The following MAP4 variants were observed in gnomAD, a reference collection of about 807,000 sequenced individuals.
MAP4 encodes microtubule-associated protein 4.
In MAP4, 76 loss-of-function variants were observed where a neutral mutation model predicts 170.2. That is an observed-to-expected ratio of 0.45 (90% confidence interval 0.37 to 0.54). MAP4 has a LOEUF of 0.54. MAP4 is among the 20% of genes least tolerant of loss of function. MAP4 has a pLI of 0.00. For missense variants in MAP4, 2,506 were observed against 2,748.0 expected (o/e 0.91, Z 1.97); for synonymous variants, 909 against 994.5 (o/e 0.91, Z 1.62).
At chr3:48,072,062 G>A (rs2100141295) in intron 1 of MAP4, among the ~76,000 whole-genome samples, 1 of 151,622 alleles carries the variant, frequency 6.6e-6, no homozygotes, top group African/African-American at 2.4e-5. Flanking sequence ...AGCCAGGCAT[G>A]GTGACATGCG....
At position 47,892,412 on chromosome 3, in the gene MAP4, C is replaced by T. The variant is rs201593796; in HGVS notation, c.5434+10538G>A. The T allele has an allele frequency of 2.1e-3, 3,234 of 1,536,212 alleles. 81 individuals carry two copies. The South Asian group carries it at 0.036, about 17-fold the overall frequency. Reference sequence around the variant, plus strand: ...ACTGATTTCTTTTGGGGAGTCCATTCGGCACTCTGCAGGCTTGCCCTTACT... The same window carrying T: ...ACTGATTTCTTTTGGGGAGTCCATTTGGCACTCTGCAGGCTTGCCCTTACT... On this transcript the variant is annotated intron_variant, in intron 10 of 20. Transcript: ENST00000683076.
At chr3:47,859,587 C>T (rs999747737) in intron 17 of MAP4, among the ~76,000 whole-genome samples, 1 of 152,216 alleles carries the variant, frequency 6.6e-6, no homozygotes, top group African/African-American at 2.4e-5. Flanking sequence ...AAGGTGCCTT[C>T]CATACGGCCT....
At chr3:48,016,705 C>T (rs1184015618), upstream of MAP4, among the ~76,000 whole-genome samples, 1 of 152,100 alleles carries the variant, frequency 6.6e-6, no homozygotes, top group African/African-American at 2.4e-5. Flanking sequence ...CCACTTCCTT[C>T]CTCTAACACA....
intron 1 of MAP4, among the ~76,000 whole-genome samples, chr3:48,059,762 T>A (rs541125744): frequency 2.8e-4 from 42 of 152,132 alleles, no homozygotes; most frequent in Admixed American, 2.6e-3. Context: ...GCGGATTGCC[T>A]GAGCTCGGGA....
intron 1 of MAP4, among the ~76,000 whole-genome samples, chr3:48,052,047 C>G (rs2100128178): frequency 6.6e-6 from 1 of 152,106 alleles, no homozygotes; most frequent in South Asian, 2.1e-4. Context: ...TAGCACCTTC[C>G]CAGTTGTGAC....
chr3:48,082,125 G>T (rs1449306563), intron 1 of MAP4, among the ~76,000 whole-genome samples: 1 of 152,064 alleles, frequency 6.6e-6, no homozygotes, highest in Non-Finnish European at 1.5e-5. Flanking sequence ...AATAAATGGG[G>T]GAGGCATAAA....
At chr3:48,030,127 G>A (rs942233540) in intron 1 of MAP4, among the ~76,000 whole-genome samples, 4 of 149,484 alleles carry the variant, frequency 2.7e-5, no homozygotes, top group East Asian at 1.9e-4. Flanking sequence ...GGTGGCTCAC[G>A]TCTGTAATCC....
At chr3:48,052,059 C>T (rs950068851) in intron 1 of MAP4, among the ~76,000 whole-genome samples, 6 of 152,132 alleles carry the variant, frequency 3.9e-5, no homozygotes, top group African/African-American at 1.4e-4. Flanking sequence ...AGTTGTGACC[C>T]ATGAGAATGT....
intron 9 of MAP4, among the ~76,000 whole-genome samples, chr3:47,906,257 A>T (rs2100032956): frequency 6.6e-6 from 1 of 152,038 alleles, no homozygotes; most frequent in African/African-American, 2.4e-5. Context: ...CAAACCAGAG[A>T]TTCTTACTCC....
intron 3 of MAP4, among the ~76,000 whole-genome samples, chr3:47,971,530 A>G (rs1314076922): frequency 6.6e-6 from 1 of 152,236 alleles, no homozygotes; most frequent in Non-Finnish European, 1.5e-5. Context: ...AGTTATCACA[A>G]TAGTAAACTG....
At chr3:47,918,974 GCAGA>G (rs2100041232) in intron 5 of MAP4, 133 bp from the exon 6 acceptor site, 4 of 636,168 alleles carry the variant, frequency 6.3e-6, no homozygotes, top group Admixed American at 5.6e-5. Flanking sequence ...TGTTGCCCAC[GCAGA>G]CAGAGTGAAG....
At chr3:47,926,461 A>G (rs1254094580) in intron 4 of MAP4, among the ~76,000 whole-genome samples, 3 of 150,146 alleles carry the variant, frequency 2.0e-5, no homozygotes, top group East Asian at 2.0e-4. Flanking sequence ...TGGGATTACA[A>G]GTGTGAGCCA....
chr3:47,945,656 C>A (rs895959163), intron 3 of MAP4, among the ~76,000 whole-genome samples: 1 of 151,930 alleles, frequency 6.6e-6, no homozygotes. Flanking sequence ...CTTCTTTTTG[C>A]AACACCTTTG....
chr3:47,916,208 A>T lies in MAP4; in HGVS notation c.1619T>A (p.Met540Lys). Residue 540 changes from methionine (M) to lysine (K), a missense_variant, in exon 7 of 21, where the codon ATG becomes AAG. By Grantham distance (95) the Met-to-Lys change is moderately conservative. This residue lies in a region of MAP4 where 2,008 missense variants were observed against 2,206.0 expected (regional missense o/e 0.91). Transcript: ENST00000683076. ...LIKNVCLPPE[M>K]EVALTEDQVP... Reference sequence around the variant, plus strand: ...CTGATCCTCAGTCAGGGCCACCTCCATTTCTGGAGGCAGACATACGTTCTT... The same window carrying T: ...CTGATCCTCAGTCAGGGCCACCTCCTTTTCTGGAGGCAGACATACGTTCTT... The T allele has an allele frequency of 6.2e-7, 1 of 1,614,106 alleles. No homozygotes were observed. The highest frequency in any genetic ancestry group is 8.5e-7 in the Non-Finnish European group (1 of 1,180,000).
chr3:47,990,322 G>A (rs539032573), intron 2 of MAP4, among the ~76,000 whole-genome samples: 1 of 152,162 alleles, frequency 6.6e-6, no homozygotes, highest in Non-Finnish European at 1.5e-5. Flanking sequence ...CTGCTGGTGT[G>A]TGGCAGGGTA....
intron 17 of MAP4, among the ~76,000 whole-genome samples, chr3:47,859,878 T>C (rs2062846793): frequency 6.6e-6 from 1 of 152,230 alleles, no homozygotes; most frequent in Non-Finnish European, 1.5e-5. Context: ...TACCTCCTCC[T>C]AAGTATGTGC....
chr3:47,855,831 A>G lies in MAP4; in HGVS notation c.6584-471T>C, dbSNP rs914316150. Among the ~76,000 whole-genome samples the G allele has an allele frequency of 6.6e-6, 1 of 152,226 alleles. No homozygotes were observed. Among genetic ancestry groups the G allele is most frequent in the African/African-American group, 2.4e-5 (1 of 41,458 alleles). On this transcript the variant is annotated intron_variant, in intron 18 of 20. Coordinates refer to ENST00000683076, the MANE Select transcript of MAP4 (RefSeq NM_001385682.1). This position sits in a 1 kb window ranked among gnomAD's most constrained non-coding sequence, Gnocchi z 5.1. ...GGTAAAACTGATGCTGCAAAAGAGA[A>G]GGGACTCACCCAGAGTTACCACCAA...
chr3:47,887,707 A>G (rs1351966762), intron 10 of MAP4, among the ~76,000 whole-genome samples: 2 of 152,180 alleles, frequency 1.3e-5, no homozygotes, highest in Non-Finnish European at 2.9e-5. Context: ...CTTTATATCT[A>G]CCTCAGGGAT....
chr3:48,030,324 G>A (rs1387890266), intron 1 of MAP4, among the ~76,000 whole-genome samples: 3 of 151,834 alleles, frequency 2.0e-5, no homozygotes, highest in Non-Finnish European at 2.9e-5. Context: ...TAAAGCAACA[G>A]CATACCTCAC....
Sources: allele counts gnomAD v4.1 joint callset (sites outside exome capture counted in the v4.1 genomes callset), GRCh38; gene constraint gnomAD v4.1.1; regional missense constraint gnomAD v4.1.1; non-coding constraint Gnocchi (gnomAD v3.1); transcripts MANE v1.5; gene names NCBI Gene and HGNC (gene_info 2026-07-23, HGNC 2026-07-21).